Variants in SLIT2 observed in about 807,000 individuals in gnomAD.
SLIT2 encodes slit guidance ligand 2, also known as slit homolog 2 protein.
A neutral mutation model predicts 185.7 loss-of-function variants in SLIT2; 41 were observed. That is an observed-to-expected ratio of 0.22 (90% confidence interval 0.17 to 0.29). The LOEUF is 0.29. Among genes scored for constraint, SLIT2 ranks in the 10% least tolerant of loss-of-function variants. SLIT2 has a pLI of 1.00. For synonymous variants in SLIT2, 693 were observed against 680.2 expected (o/e 1.02, Z -0.29); for missense variants, 1,571 against 1,909.0 (o/e 0.82, Z 3.30).
chr4:20,546,184 C>T (rs1165964924), intron 22 of SLIT2, 85 bp downstream of exon 22: 6 of 682,594 alleles, frequency 8.8e-6, no homozygotes, highest in African/African-American at 1.8e-5. Context: ...AGTGAACCTT[C>T]CAGATAATAC....
At chr4:20,266,904 A>C (rs1304525912) in intron 3 of SLIT2, among the ~76,000 whole-genome samples, 3 of 152,054 alleles carry the variant, frequency 2.0e-5, no homozygotes, top group Non-Finnish European at 2.9e-5. Flanking sequence ...CTTCATAAAG[A>C]GAACTGCCTC....
intron 3 of SLIT2, among the ~76,000 whole-genome samples, chr4:20,259,688 T>C (rs1712234202): frequency 6.6e-6 from 1 of 151,824 alleles, no homozygotes; most frequent in African/African-American, 2.4e-5. Context: ...GTAGGTACTA[T>C]TTTTTGACTT....
chr4:20,582,884 A>G (rs768622780), intron 29 of SLIT2, among the ~76,000 whole-genome samples: 13 of 152,196 alleles, frequency 8.5e-5, no homozygotes, highest in Non-Finnish European at 1.6e-4. Flanking sequence ...AACAGATTTG[A>G]TAACTGAGAT....
At chr4:20,368,042 A>G (rs542095505) in intron 4 of SLIT2, among the ~76,000 whole-genome samples, 2 of 152,052 alleles carry the variant, frequency 1.3e-5, no homozygotes, top group Non-Finnish European at 1.5e-5. Flanking sequence ...TGAAAACTCA[A>G]TAGTTGTGTA....
intron 30 of SLIT2, 75 bp from the exon 31 acceptor site, chr4:20,595,622 G>T: frequency 6.4e-7 from 1 of 1,566,014 alleles, no homozygotes; most frequent in Non-Finnish European, 8.7e-7. Flanking sequence ...TGGTGCCATT[G>T]TGTCTAGATA....
At chr4:20,470,484 C>CTGTGTGTGTGTGTGTGTGTGTGTGTG (rs540814034) in intron 5 of SLIT2, among the ~76,000 whole-genome samples, 1 of 129,216 alleles carries the variant, frequency 7.7e-6, no homozygotes, top group Non-Finnish European at 1.6e-5. Context: ...GCAGTGGAGT[C>CTGTGTGTGTGTGTGTGTGTGTGTGTG]TGTGTGTGTG....
chr4:20,356,824 A>G (rs1232447831), intron 4 of SLIT2, among the ~76,000 whole-genome samples: 1 of 152,088 alleles, frequency 6.6e-6, no homozygotes, highest in Non-Finnish European at 1.5e-5. Flanking sequence ...GCCACTTTCC[A>G]TACCTCCCAG....
At chr4:20,458,092 A>G (rs1280068292) in intron 4 of SLIT2, among the ~76,000 whole-genome samples, 1 of 149,662 alleles carries the variant, frequency 6.7e-6, no homozygotes, top group Non-Finnish European at 1.5e-5. Flanking sequence ...ATTATGCAAA[A>G]AAAAAAAAAA....
intron 4 of SLIT2, among the ~76,000 whole-genome samples, chr4:20,298,950 T>C (rs931914351): frequency 6.6e-6 from 1 of 152,214 alleles, no homozygotes; most frequent in Non-Finnish European, 1.5e-5. Context: ...TTTATTGCAT[T>C]ATTTTTAATA....
chr4:20,291,280 A>G (rs1363494363), intron 4 of SLIT2, among the ~76,000 whole-genome samples: 1 of 151,618 alleles, frequency 6.6e-6, no homozygotes, highest in Non-Finnish European at 1.5e-5. Flanking sequence ...TCAGTGTGGT[A>G]TGCACATTCT....
intron 3 of SLIT2, among the ~76,000 whole-genome samples, chr4:20,261,255 T>C (rs979703216): frequency 3.3e-5 from 5 of 151,864 alleles, no homozygotes; most frequent in African/African-American, 1.2e-4. Context: ...AAATGAAATG[T>C]ACTCTACCTA....
chr4:20,352,640 G>T (rs1721977686), intron 4 of SLIT2, among the ~76,000 whole-genome samples: 1 of 152,194 alleles, frequency 6.6e-6, no homozygotes, highest in African/African-American at 2.4e-5. Flanking sequence ...GAGGCCGGAT[G>T]TAGTGGCTCA....
At chr4:20,590,360 C>A (rs1160229749) in intron 30 of SLIT2, among the ~76,000 whole-genome samples, 2 of 152,058 alleles carry the variant, frequency 1.3e-5, no homozygotes, top group Non-Finnish European at 2.9e-5. Context: ...GTAATGTCTT[C>A]TATGTGCTTC....
intron 4 of SLIT2, among the ~76,000 whole-genome samples, chr4:20,415,092 GA>G (rs1486876481): frequency 6.6e-6 from 1 of 152,150 alleles, no homozygotes; most frequent in Non-Finnish European, 1.5e-5. Context: ...GTGGAAGAAG[GA>G]AATATTTTGT....
chr4:20,286,643 A>G (rs187080793), intron 4 of SLIT2, among the ~76,000 whole-genome samples: 1 of 152,284 alleles, frequency 6.6e-6, no homozygotes, highest in Admixed American at 6.5e-5. Context: ...TCTACTAAAA[A>G]TACAAAAAAT....
chr4:20,521,414 A>G (rs1369216361), intron 12 of SLIT2, among the ~76,000 whole-genome samples: 2 of 152,162 alleles, frequency 1.3e-5, no homozygotes, highest in Non-Finnish European at 2.9e-5. Flanking sequence ...AACAAAACAG[A>G]TTGTTGTTTA....
At chr4:20,304,729 C>T (rs1717376192) in intron 4 of SLIT2, among the ~76,000 whole-genome samples, 1 of 152,100 alleles carries the variant, frequency 6.6e-6, no homozygotes, top group Non-Finnish European at 1.5e-5. Context: ...CCCAGCCAGT[C>T]CCAGCGCTCA....
chr4:20,588,860 G>C (rs1034709186), intron 29 of SLIT2, among the ~76,000 whole-genome samples: 1 of 152,096 alleles, frequency 6.6e-6, no homozygotes, highest in African/African-American at 2.4e-5. Context: ...TCATGAGTTA[G>C]CTGACTTTCA....
chr4:20,272,845 T>C (rs1713774929), intron 4 of SLIT2, among the ~76,000 whole-genome samples: 2 of 152,160 alleles, frequency 1.3e-5, no homozygotes, highest in African/African-American at 4.8e-5. Flanking sequence ...TTACTTCTGG[T>C]TCTCAAGTGC....
Sources: gnomAD v4.1 joint callset for allele counts (sites outside exome capture counted in the v4.1 genomes callset) on GRCh38, gnomAD v4.1.1 for gene constraint, MANE v1.5 for transcripts, NCBI Gene and HGNC (gene_info 2026-07-23, HGNC 2026-07-21) for gene names.